Variants in RGS6 observed in about 807,000 individuals in gnomAD.
RGS6 encodes the protein regulator of G protein signaling 6, also known as regulator of G-protein signaling 6.
A neutral mutation model predicts 78.5 loss-of-function variants in RGS6; 30 were observed. The ratio of observed to expected loss-of-function variants is 0.38; its 90% CI spans 0.29 to 0.52. RGS6 has a LOEUF of 0.52. Among genes scored for constraint, RGS6 ranks in the 20% least tolerant of loss-of-function variants. The pLI is 0.85. For missense variants in RGS6, 495 were observed against 609.7 expected, an observed-to-expected ratio of 0.81 and a Z score of 1.98; for synonymous variants, 206 against 206.0, an observed-to-expected ratio of 1.00 and a Z score of 0.00.
At chr14:72,251,418 G>A (rs1180877739) in intron 2 of RGS6, among the ~76,000 whole-genome samples, 1 of 152,160 alleles carries the variant, frequency 6.6e-6, no homozygotes, top group Non-Finnish European at 1.5e-5. Flanking sequence ...TCCAGAGAGA[G>A]GTCCTCCCTG....
the RGS6 span, among the ~76,000 whole-genome samples, chr14:72,575,755 A>G: frequency 0.34 from 51,631 of 152,198 alleles, 11,337 homozygotes; most frequent in African/African-American, 0.62. Flanking sequence ...CAATGTATAC[A>G]GGTGTCAAAA....
At chr14:72,314,255 C>G (rs915082165) in intron 2 of RGS6, among the ~76,000 whole-genome samples, 1 of 152,336 alleles carries the variant, frequency 6.6e-6, no homozygotes, top group East Asian at 1.9e-4. Flanking sequence ...AGGGGTTAGA[C>G]AGCTCACTGA....
the RGS6 span, among the ~76,000 whole-genome samples, chr14:72,592,944 T>TTG: frequency 1.1e-4 from 16 of 152,314 alleles, no homozygotes; most frequent in South Asian, 3.3e-3. Flanking sequence ...CTTGGACCAG[T>TTG]TGTAAGCCAA....
chr14:72,159,905 A>G (rs2096828980), intron 2 of RGS6, among the ~76,000 whole-genome samples: 1 of 152,228 alleles, frequency 6.6e-6, no homozygotes, highest in African/African-American at 2.4e-5. Context: ...AAACTTTGCA[A>G]ATATCTGTAA....
chr14:72,373,565 G>A (rs764761045), intron 3 of RGS6, among the ~76,000 whole-genome samples: 6 of 152,170 alleles, frequency 3.9e-5, no homozygotes, highest in Non-Finnish European at 8.8e-5. Flanking sequence ...TGAGTATCAA[G>A]TAAAAAAATT....
At chr14:72,030,596 T>TACTGATTTTTCTGTTAGATA (rs201784586) in intron 2 of RGS6, among the ~76,000 whole-genome samples, 2 of 152,180 alleles carry the variant, frequency 1.3e-5, no homozygotes, top group African/African-American at 4.8e-5. Flanking sequence ...TCATAATTGT[T>TACTGATTTTTCTGTTAGATA]AAGGTGTAGG....
intron 2 of RGS6, among the ~76,000 whole-genome samples, chr14:72,164,365 A>G (rs1313074114): frequency 6.6e-6 from 1 of 152,072 alleles, no homozygotes; most frequent in Non-Finnish European, 1.5e-5. Flanking sequence ...CTCAGTTGGA[A>G]TATTTCATCT....
intron 2 of RGS6, among the ~76,000 whole-genome samples, chr14:72,233,658 G>A (rs1185177926): frequency 6.6e-6 from 1 of 152,154 alleles, no homozygotes; most frequent in East Asian, 1.9e-4. Flanking sequence ...TGTTTGGCAG[G>A]GCTGGTTCTA....
At chr14:72,143,055 A>AGAT (rs1298810348) in intron 2 of RGS6, among the ~76,000 whole-genome samples, 1 of 152,102 alleles carries the variant, frequency 6.6e-6, no homozygotes, top group African/African-American at 2.4e-5. Context: ...ATGAGGAAAA[A>AGAT]GATGGAGAAT....
chr14:72,337,056 C>T (rs970355501), intron 2 of RGS6, among the ~76,000 whole-genome samples: 1 of 152,098 alleles, frequency 6.6e-6, no homozygotes, highest in Non-Finnish European at 1.5e-5. Context: ...TTCAATGTCT[C>T]GATTTGGAGT....
the RGS6 span, among the ~76,000 whole-genome samples, chr14:71,914,578 T>C: frequency 4.4e-4 from 67 of 152,256 alleles, no homozygotes; most frequent in African/African-American, 1.5e-3. Context: ...GAGTATTTCA[T>C]TTACCAGTAA....
chr14:72,313,605 C>A (rs1349594207), intron 2 of RGS6, among the ~76,000 whole-genome samples: 1 of 151,950 alleles, frequency 6.6e-6, no homozygotes, highest in Non-Finnish European at 1.5e-5. Context: ...ATCAGGGAGC[C>A]AAGTGATTAA....
chr14:72,315,526 A>G (rs1418004055), intron 2 of RGS6, among the ~76,000 whole-genome samples: 1 of 152,238 alleles, frequency 6.6e-6, no homozygotes, highest in African/African-American at 2.4e-5. Flanking sequence ...TGTTGACAAA[A>G]TAAATCCCCC....
intron 3 of RGS6, among the ~76,000 whole-genome samples, chr14:72,381,725 G>A (rs930626766): frequency 2.0e-5 from 3 of 152,104 alleles, no homozygotes; most frequent in Non-Finnish European, 4.4e-5. Flanking sequence ...ATGAAAGTTT[G>A]AGATATCAAA....
At position 71,936,723 on chromosome 14, in the gene RGS6, TCA is replaced by T. The variant is rs201433600; in HGVS notation, c.-21+3785_-21+3786del. On this transcript the variant is annotated intron_variant, in intron 1 of 17. Coordinates refer to ENST00000553525, the MANE Select transcript of RGS6 (RefSeq NM_001204424.2). Reference sequence around the variant, plus strand: ...TGTTGTGAAGTCAATAAATCTTATGTCACATGATAAAGGAAAAGGAAATGAAG... The same window carrying T: ...TGTTGTGAAGTCAATAAATCTTATGTCATGATAAAGGAAAAGGAAATGAAG... Among the ~76,000 whole-genome samples the T allele has an allele frequency of 9.1e-3, 1,387 of 152,296 alleles. 19 individuals are homozygous for T. The highest frequency in any genetic ancestry group is 0.032 in the African/African-American group (1,323 of 41,550).
intron 3 of RGS6, among the ~76,000 whole-genome samples, chr14:72,379,955 G>C (rs1392189877): frequency 6.6e-6 from 1 of 152,098 alleles, no homozygotes; most frequent in Non-Finnish European, 1.5e-5. Flanking sequence ...GCATGGTACT[G>C]TTATAAGAAT....
chr14:72,395,332 A>G (rs1450562535), intron 3 of RGS6, among the ~76,000 whole-genome samples: 1 of 152,194 alleles, frequency 6.6e-6, no homozygotes, highest in Non-Finnish European at 1.5e-5. Context: ...ATGTGTGTGT[A>G]TATACATATA....
chr14:72,022,182 G>A (rs2088769445), intron 2 of RGS6, among the ~76,000 whole-genome samples: 2 of 152,168 alleles, frequency 1.3e-5, no homozygotes, highest in South Asian at 4.2e-4. Context: ...TCATTAATGG[G>A]CATTTAGATT....
chr14:71,970,319 A>G (rs2093728589), intron 2 of RGS6, among the ~76,000 whole-genome samples: 1 of 152,156 alleles, frequency 6.6e-6, no homozygotes, highest in Non-Finnish European at 1.5e-5. Context: ...TCACCTATTC[A>G]TTTCTAGTTA....
Sources: allele counts gnomAD v4.1 joint callset (sites outside exome capture counted in the v4.1 genomes callset), GRCh38; gene constraint gnomAD v4.1.1; transcripts MANE v1.5; gene names NCBI Gene and HGNC (gene_info 2026-07-23, HGNC 2026-07-21).